The following EIF3H variants were observed in gnomAD, a reference collection of about 807,000 sequenced individuals.
The protein encoded by EIF3H is eukaryotic translation initiation factor 3 subunit H.
In EIF3H, 26 loss-of-function variants were observed where a neutral mutation model predicts 44.2. The ratio of observed to expected loss-of-function variants is 0.59; its 90% CI spans 0.43 to 0.82. The LOEUF (loss-of-function observed/expected upper bound fraction) is 0.82. Ranked by LOEUF, EIF3H falls within the 40% of genes least tolerant of loss-of-function variation. The probability of loss-of-function intolerance (pLI) is 0.00; values close to 1 mark genes in which losing one functional copy is unlikely to be tolerated. For missense variants in EIF3H, 359 were observed against 432.8 expected (o/e 0.83, Z 1.51); for synonymous variants, 166 against 151.9 (o/e 1.09, Z -0.68).
At chr8:116,720,726 T>C (rs1343968769) in intron 2 of EIF3H, among the ~76,000 whole-genome samples, 1 of 152,082 alleles carries the variant, frequency 6.6e-6, no homozygotes, top group Non-Finnish European at 1.5e-5. Context: ...CAGGCTGAGG[T>C]GATCTCAGAG....
chr8:116,737,006 T>C (rs1586485508), intron 1 of EIF3H, among the ~76,000 whole-genome samples: 1 of 152,344 alleles, frequency 6.6e-6, no homozygotes, highest in East Asian at 1.9e-4. Flanking sequence ...TGAGATTATT[T>C]AGACAACAGA....
At chr8:116,723,839 T>C (rs1814792160) in intron 2 of EIF3H, among the ~76,000 whole-genome samples, 1 of 152,158 alleles carries the variant, frequency 6.6e-6, no homozygotes, top group Non-Finnish European at 1.5e-5. Flanking sequence ...TGTATATAAA[T>C]GGAAAGAAAA....
intron 2 of EIF3H, among the ~76,000 whole-genome samples, chr8:116,705,850 A>G (rs1814460453): frequency 6.6e-6 from 1 of 152,174 alleles, no homozygotes; most frequent in South Asian, 2.1e-4. Flanking sequence ...TCTCAGTAAT[A>G]TAAGATGGGA....
chr8:116,747,065 T>G (rs953920256), intron 1 of EIF3H, among the ~76,000 whole-genome samples: 1 of 147,214 alleles, frequency 6.8e-6, no homozygotes, highest in Admixed American at 6.7e-5. Context: ...TGTTTTTTTG[T>G]TTTTTTGTTT....
chr8:116,697,333 T>C (rs752476107), intron 2 of EIF3H: 2 of 390,628 alleles, frequency 5.1e-6, no homozygotes, highest in Non-Finnish European at 1.0e-5. Context: ...TGCAAACATA[T>C]GGGATACTGA....
chr8:116,666,901 G>A (rs1038123535), intron 2 of EIF3H, among the ~76,000 whole-genome samples: 6 of 151,884 alleles, frequency 4.0e-5, no homozygotes, highest in East Asian at 3.9e-4. Flanking sequence ...TTTAAAAAAC[G>A]TGATTGTTGT....
chr8:116,763,557 C>G (rs1271475952), intron 1 of EIF3H, among the ~76,000 whole-genome samples: 1 of 152,166 alleles, frequency 6.6e-6, no homozygotes, highest in Non-Finnish European at 1.5e-5. Context: ...CACAGTAAGG[C>G]ATTCCATGAT....
At chr8:116,719,413 T>C (rs1055392923) in intron 2 of EIF3H, among the ~76,000 whole-genome samples, 7 of 151,976 alleles carry the variant, frequency 4.6e-5, no homozygotes, top group African/African-American at 1.7e-4. Context: ...ATGAATAATC[T>C]GAGATGAAAA....
intron 2 of EIF3H, among the ~76,000 whole-genome samples, chr8:116,674,662 G>C (rs1813816531): frequency 6.6e-6 from 1 of 152,128 alleles, no homozygotes; most frequent in South Asian, 2.1e-4. Flanking sequence ...ATTAAAATAA[G>C]TGCTTTTGTG....
intron 2 of EIF3H, among the ~76,000 whole-genome samples, chr8:116,719,965 T>G (rs185179754): frequency 3.3e-4 from 50 of 152,290 alleles, no homozygotes; most frequent in Admixed American, 2.9e-3. Flanking sequence ...ACCATGGTAT[T>G]TGGAATCCAG....
At chr8:116,722,658 T>C (rs1411209008) in intron 2 of EIF3H, among the ~76,000 whole-genome samples, 2 of 152,218 alleles carry the variant, frequency 1.3e-5, no homozygotes, top group Admixed American at 6.5e-5. Flanking sequence ...GCTTTTTCTC[T>C]AACCCAAGTG....
chr8:116,760,239 T>C (rs1408474098), upstream of EIF3H, among the ~76,000 whole-genome samples: 1 of 152,326 alleles, frequency 6.6e-6, no homozygotes, highest in South Asian at 2.1e-4. Context: ...ATTGAAACAA[T>C]ACACTTTTTG....
At chr8:116,673,437 T>C (rs1813790678) in intron 2 of EIF3H, among the ~76,000 whole-genome samples, 1 of 152,168 alleles carries the variant, frequency 6.6e-6, no homozygotes, top group South Asian at 2.1e-4. Flanking sequence ...ATCAATTTCT[T>C]CCTCTAATAA....
At chr8:116,684,680 A>G (rs1268576856) in intron 2 of EIF3H, among the ~76,000 whole-genome samples, 1 of 152,192 alleles carries the variant, frequency 6.6e-6, no homozygotes, top group Admixed American at 6.5e-5. Context: ...CCAGGGCTAA[A>G]ATTCAAAGAT....
Position 116,673,963 on chromosome 8 carries a change from G to A in EIF3H, c.290-14983C>T, listed in dbSNP as rs1489606237. 1.0e-4 allele frequency among the ~76,000 whole-genome samples: 15 copies of A among 150,726 alleles called. 2 individuals are homozygous for A. The highest frequency in any genetic ancestry group is 4.2e-4 in the South Asian group (2 of 4,736). ...TGGGCGCCTGTAGTCCCAGCTACCC[G>A]GGAGGCTGAGGCAGGAGAATGGCGT... On this transcript the variant is annotated intron_variant, in intron 2 of 7. Transcript: ENST00000521861.
chr8:116,761,346 T>C (rs565490970), intron 1 of EIF3H, among the ~76,000 whole-genome samples: 1 of 152,048 alleles, frequency 6.6e-6, no homozygotes, highest in Non-Finnish European at 1.5e-5. Flanking sequence ...AACCTGTTTC[T>C]ACTAAAAATA....
intron 2 of EIF3H, among the ~76,000 whole-genome samples, chr8:116,687,022 G>C (rs1814089689): frequency 1.3e-5 from 2 of 152,276 alleles, no homozygotes; most frequent in South Asian, 4.1e-4. Flanking sequence ...TCAGACAAGG[G>C]TTTAGTTGAA....
At chr8:116,685,294 T>C (rs995341007) in intron 2 of EIF3H, among the ~76,000 whole-genome samples, 6 of 152,178 alleles carry the variant, frequency 3.9e-5, no homozygotes, top group African/African-American at 1.4e-4. Context: ...TAGTGTGCAA[T>C]GTGAGAGCTG....
At chr8:116,735,381 A>G (rs1815017030) in intron 1 of EIF3H, among the ~76,000 whole-genome samples, 1 of 152,222 alleles carries the variant, frequency 6.6e-6, no homozygotes, top group Non-Finnish European at 1.5e-5. Context: ...AGCTAAACAT[A>G]AACGCACCAA....
Sources: allele counts gnomAD v4.1 joint callset (sites outside exome capture counted in the v4.1 genomes callset), GRCh38; gene constraint gnomAD v4.1.1; transcripts MANE v1.5; gene names NCBI Gene and HGNC (gene_info 2026-07-23, HGNC 2026-07-21).